The following RSU1 variants were observed in gnomAD, a reference collection of about 807,000 sequenced individuals.
The protein encoded by RSU1 is Ras suppressor protein 1.
A neutral mutation model predicts 31.1 loss-of-function variants in RSU1; 26 were observed. The observed-to-expected ratio is 0.84, with a 90% CI of 0.61 to 1.16. The LOEUF (loss-of-function observed/expected upper bound fraction) is 1.16. Among genes scored for constraint, RSU1 ranks in the 50% most tolerant of loss-of-function variants. The pLI is 0.00. For missense variants in RSU1, 320 were observed against 339.1 expected (o/e 0.94, Z 0.44); for synonymous variants, 164 against 136.3 (o/e 1.20, Z -1.41).
At position 16,788,674 on chromosome 10, in the gene RSU1, T is replaced by C. The variant is rs1837848740; in HGVS notation, c.110-6590A>G. On this transcript the variant is annotated intron_variant, in intron 2 of 8. Coordinates refer to ENST00000345264, the MANE Select transcript of RSU1 (RefSeq NM_012425.4). ...GAGCTGACTAAAACACACCTCAAGA[T>C]CCAAGACGACAGCCTGAGCTCAGCC... Among the ~76,000 whole-genome samples the C allele has an allele frequency of 2.0e-5, 3 of 152,170 alleles. No homozygotes were observed. In the South Asian group the frequency reaches 6.2e-4, roughly 32 times the overall value.
intron 8 of RSU1, among the ~76,000 whole-genome samples, chr10:16,643,102 T>C (rs367764071): frequency 6.6e-6 from 1 of 152,200 alleles, no homozygotes; most frequent in East Asian, 1.9e-4. Context: ...TGAAGGACAG[T>C]TGTGAATCTG....
intron 2 of RSU1, among the ~76,000 whole-genome samples, chr10:16,792,157 C>A (rs751854111): frequency 6.6e-6 from 1 of 152,166 alleles, no homozygotes; most frequent in Non-Finnish European, 1.5e-5. Flanking sequence ...AACTAGACTG[C>A]AATCACCAGT....
At chr10:16,654,018 T>G (rs981070325) in intron 8 of RSU1, among the ~76,000 whole-genome samples, 1 of 152,072 alleles carries the variant, frequency 6.6e-6, no homozygotes, top group East Asian at 1.9e-4. Context: ...TCATTTTTTT[T>G]TGAGATGGAG....
intron 3 of RSU1, among the ~76,000 whole-genome samples, chr10:16,764,835 A>C (rs1031514): frequency 0.37 from 56,239 of 151,040 alleles, 13,816 homozygotes; most frequent in African/African-American, 0.71. Context: ...ATGAATATTA[A>C]GAAGCATATA....
chr10:16,733,787 G>C (rs542021955), intron 7 of RSU1, among the ~76,000 whole-genome samples: 1 of 152,194 alleles, frequency 6.6e-6, no homozygotes. Context: ...AGAAGAACAA[G>C]CTGAATCTTT....
At chr10:16,716,348 A>AT (rs1195338176) in intron 7 of RSU1, among the ~76,000 whole-genome samples, 1 of 152,104 alleles carries the variant, frequency 6.6e-6, no homozygotes, top group East Asian at 1.9e-4. Context: ...ATCTATCTTT[A>AT]TTTTTAAGAG....
chr10:16,781,016 G>C (rs1837637709), intron 3 of RSU1, among the ~76,000 whole-genome samples: 1 of 152,156 alleles, frequency 6.6e-6, no homozygotes, highest in African/African-American at 2.4e-5. Flanking sequence ...ACAGCTCTGT[G>C]ACATCGCTTC....
At chr10:16,734,863 CAT>C (rs1337757857) in intron 7 of RSU1, among the ~76,000 whole-genome samples, 2 of 152,078 alleles carry the variant, frequency 1.3e-5, no homozygotes, top group Non-Finnish European at 2.9e-5. Flanking sequence ...AAAATGAGGT[CAT>C]ATGAGTGGAT....
At chr10:16,766,143 G>T (rs1297303940) in intron 3 of RSU1, among the ~76,000 whole-genome samples, 1 of 152,260 alleles carries the variant, frequency 6.6e-6, no homozygotes, top group Non-Finnish European at 1.5e-5. Flanking sequence ...GAAGAATACA[G>T]ATTACTCTGA....
At chr10:16,686,461 C>CA (rs1323917160) in intron 8 of RSU1, among the ~76,000 whole-genome samples, 3 of 151,564 alleles carry the variant, frequency 2.0e-5, no homozygotes, top group African/African-American at 4.8e-5. Flanking sequence ...GAATAGCATC[C>CA]AAAAAAAAGG....
At chr10:16,761,434 A>T (rs1045328833) in intron 4 of RSU1, among the ~76,000 whole-genome samples, 1 of 152,196 alleles carries the variant, frequency 6.6e-6, no homozygotes, top group African/African-American at 2.4e-5. Context: ...ACTGAACAAC[A>T]GACATCCAGG....
chr10:16,603,383 G>A (rs896513076), intron 8 of RSU1, among the ~76,000 whole-genome samples: 7 of 152,208 alleles, frequency 4.6e-5, no homozygotes, highest in Non-Finnish European at 1.0e-4. Context: ...CAAAAAAGAT[G>A]CTCATTAAAC....
At chr10:16,686,802 T>C (rs2131554392) in intron 8 of RSU1, among the ~76,000 whole-genome samples, 1 of 152,276 alleles carries the variant, frequency 6.6e-6, no homozygotes, top group East Asian at 1.9e-4. Flanking sequence ...AAAAGCCTTT[T>C]GTAGTGCAAG....
intron 7 of RSU1, among the ~76,000 whole-genome samples, chr10:16,733,541 A>C (rs1836562048): frequency 6.6e-6 from 1 of 151,892 alleles, no homozygotes; most frequent in African/African-American, 2.4e-5. Flanking sequence ...AGAAAACCCA[A>C]TGTTATTCAA....
intron 2 of RSU1, among the ~76,000 whole-genome samples, chr10:16,794,501 AT>A (rs1837986224): frequency 6.6e-6 from 1 of 152,168 alleles, no homozygotes; most frequent in Non-Finnish European, 1.5e-5. Flanking sequence ...AGCATAAACT[AT>A]TTTATTTGTG....
Position 16,755,070 on chromosome 10 carries a change from C to A in RSU1, c.282-81G>T, listed in dbSNP as rs1385473516. ...CTATCAAGGGCACCTCTGTTTCAGA[C>A]GCTGAAAGTGTAAGACAGTGCCATG... On this transcript the variant is annotated intron_variant, in intron 4 of 8. Coordinates refer to ENST00000345264, the MANE Select transcript of RSU1 (RefSeq NM_012425.4). The A allele has an allele frequency of 6.4e-6, 5 of 777,394 alleles. No individual in the cohort carries two copies. The African/African-American group carries it at 7.1e-5, about 11-fold the overall frequency. 48.2% of individuals were successfully genotyped at this position (777,394 alleles called of 1,614,324 possible).
chr10:16,691,722 CTTTTTTTTTTTTTTT>C (rs58786188), intron 8 of RSU1, among the ~76,000 whole-genome samples: 1 of 106,044 alleles, frequency 9.4e-6, no homozygotes, highest in Non-Finnish European at 1.8e-5. Flanking sequence ...GCTGCTGCTT[CTTTTTTTTTTTTTTT>C]TTTTTTTTTT....
rs538742636 is a variant in RSU1 at position 16,811,473 on chromosome 10, C to A, written c.109+5500G>T. Among the ~76,000 whole-genome samples the A allele has an allele frequency of 2.0e-5, 3 of 152,248 alleles. No individual in the cohort carries two copies. The East Asian group carries it at 5.8e-4, about 29-fold the overall frequency. On this transcript the variant is annotated intron_variant, in intron 2 of 8. Transcript: ENST00000345264. ...TTATTCCCATTTTATAGATGAGGCA[C>A]CTGAGGCACAGAGAGGTCAAGCAAC...
At chr10:16,811,539 CT>C (rs1238081378) in intron 2 of RSU1, among the ~76,000 whole-genome samples, 1 of 152,116 alleles carries the variant, frequency 6.6e-6, no homozygotes, top group African/African-American at 2.4e-5. Context: ...AAAAAAGATG[CT>C]TACAAAAAAG....
Sources: gnomAD v4.1 joint callset for allele counts (sites outside exome capture counted in the v4.1 genomes callset) on GRCh38, gnomAD v4.1.1 for gene constraint, MANE v1.5 for transcripts, NCBI Gene and HGNC (gene_info 2026-07-23, HGNC 2026-07-21) for gene names.